Variants in ALG8 observed in about 807,000 individuals in gnomAD.
ALG8 encodes the protein dolichyl pyrophosphate Glc1Man9GlcNAc2 alpha-1,3-glucosyltransferase.
A neutral mutation model predicts 70.2 loss-of-function variants in ALG8; 48 were observed. The ratio of observed to expected loss-of-function variants is 0.68; its 90% CI spans 0.54 to 0.87. The LOEUF (loss-of-function observed/expected upper bound fraction) is 0.87. Among genes scored for constraint, ALG8 ranks in the 40% least tolerant of loss-of-function variants. The pLI, the probability that ALG8 is intolerant of heterozygous loss-of-function variation, is 0.00. For missense variants in ALG8, 572 were observed against 608.7 expected, an observed-to-expected ratio of 0.94 and a Z score of 0.64; for synonymous variants, 234 against 229.0, an observed-to-expected ratio of 1.02 and a Z score of -0.20.
At chr11:78,127,884 T>C (rs1861147601) in intron 1 of ALG8, among the ~76,000 whole-genome samples, 1 of 151,962 alleles carries the variant, frequency 6.6e-6, no homozygotes, top group African/African-American at 2.4e-5. Flanking sequence ...TAATTTTTAG[T>C]AGAGGTGGGG....
intron 1 of ALG8, among the ~76,000 whole-genome samples, chr11:78,131,357 C>A (rs569130533): frequency 6.6e-6 from 1 of 152,276 alleles, no homozygotes; most frequent in East Asian, 1.9e-4. Context: ...AATCCCAGTA[C>A]TTTGGGAGGC....
chr11:78,106,666 T>G, intron 10 of ALG8, 141 bp downstream of exon 10: 1 of 1,067,160 alleles, frequency 9.4e-7, no homozygotes. Flanking sequence ...AGCATCCCTG[T>G]CCTGTCCTAG....
In ALG8 at chr11:78,112,700, G is replaced by C. The variant is rs755219807; in HGVS notation, c.848C>G (p.Pro283Arg). 1 of 1,614,068 alleles carries C rather than the reference G, an allele frequency of 6.2e-7. No homozygotes were observed. The highest frequency in any genetic ancestry group is 8.5e-7 in the Non-Finnish European group (1 of 1,179,968). ...AGCATTGTACAAAGCCCAGAAGTTT[G>C]GAGCCCAATATGCATGACAGAGGCC... Reference protein sequence around the residue: ...KRGLCHAYWAPNFWALYNALD... With the variant: ...KRGLCHAYWARNFWALYNALD... Residue 283 changes from proline (P) to arginine (R), a missense_variant, in exon 8 of 13, where the codon CCA (proline) becomes CGA (arginine). Physicochemically the swap from Pro to Arg is moderately radical, Grantham distance 103. Coordinates refer to ENST00000299626, the MANE Select transcript of ALG8 (RefSeq NM_024079.5).
rs150213168 is a variant in ALG8 at position 78,109,558 on chromosome 11, G to A, written c.922C>T (p.Pro308Ser). Residue 308 changes from proline to serine, a missense_variant, in exon 9 of 13, where the codon CCC (proline) becomes TCC (serine). Coordinates refer to ENST00000299626, the MANE Select transcript of ALG8 (RefSeq NM_024079.5). The stretch of plus-strand genomic sequence containing the variant: ...ATTGAGGCCTTGGGAATATTGTTGG[G>A]ATCAAGAAATTTCAATTTCAAACCT... ...VIGLKLKFLDPNNIPKASMTS... is the reference protein window; with the variant it reads ...VIGLKLKFLDSNNIPKASMTS... The A allele has an allele frequency of 1.7e-5, 28 of 1,613,880 alleles. No homozygotes were observed. Among genetic ancestry groups the A allele is most frequent in the African/African-American group, 2.7e-5 (2 of 74,878 alleles).
At chr11:78,123,965 A>G in intron 3 of ALG8, 56 bp downstream of exon 3, 1 of 1,565,762 alleles carries the variant, frequency 6.4e-7, no homozygotes, top group South Asian at 1.1e-5. Flanking sequence ...AATACTACTT[A>G]ACACTGTACT....
At chr11:78,111,164 A>G (rs773339087) in intron 8 of ALG8, among the ~76,000 whole-genome samples, 3 of 152,170 alleles carry the variant, frequency 2.0e-5, no homozygotes, top group Non-Finnish European at 4.4e-5. Context: ...AGTGGCCACC[A>G]TGCATGGAGC....
intron 1 of ALG8, among the ~76,000 whole-genome samples, chr11:78,134,413 C>T (rs644517): frequency 0.22 from 33,198 of 152,128 alleles, 4,497 homozygotes; most frequent in African/African-American, 0.38. Context: ...GCTGGGATTA[C>T]AGGCATGAGC....
chr11:78,109,334 T>A, intron 9 of ALG8, 108 bp downstream of exon 9: 1 of 1,464,430 alleles, frequency 6.8e-7, no homozygotes, highest in South Asian at 1.2e-5. Flanking sequence ...ATTACAGGCA[T>A]GAAATTTATC....
chr11:78,138,617 AG>A, intron 1 of ALG8: 1 of 428,986 alleles, frequency 2.3e-6, no homozygotes, highest in Non-Finnish European at 4.7e-6. Flanking sequence ...AGGAAGTGGG[AG>A]GGAAAGGAGA....
chr11:78,109,194 T>C (rs545841304), intron 9 of ALG8, among the ~76,000 whole-genome samples: 2 of 152,254 alleles, frequency 1.3e-5, no homozygotes, highest in East Asian at 1.9e-4. Context: ...CTTTTTCCCT[T>C]CCCCCGGGTG....
At chr11:78,115,202 T>C (rs920897347) in intron 5 of ALG8, among the ~76,000 whole-genome samples, 4 of 151,860 alleles carry the variant, frequency 2.6e-5, no homozygotes, top group African/African-American at 7.3e-5. Context: ...CCGGCTAATT[T>C]TTGTATTTTT....
At chr11:78,109,306 G>C (rs576657559) in intron 9 of ALG8, 136 bp downstream of exon 9, 3 of 1,159,812 alleles carry the variant, frequency 2.6e-6, no homozygotes, top group South Asian at 2.6e-5. Context: ...GCTAGGAAAT[G>C]CTTCAATCTG....
chr11:78,106,665 G>A (rs1218193386), intron 10 of ALG8, 142 bp downstream of exon 10: 1 of 1,061,512 alleles, frequency 9.4e-7, no homozygotes, highest in South Asian at 1.3e-5. Flanking sequence ...AAGCATCCCT[G>A]TCCTGTCCTA....
chr11:78,109,298 T>C, intron 9 of ALG8, 144 bp downstream of exon 9: 1 of 1,107,290 alleles, frequency 9.0e-7, no homozygotes, highest in South Asian at 1.4e-5. Context: ...TAAGAATTGC[T>C]AGGAAATGCT....
chr11:78,124,690 AACTT>A (rs1860987418), intron 2 of ALG8, among the ~76,000 whole-genome samples: 1 of 152,242 alleles, frequency 6.6e-6, no homozygotes, highest in Non-Finnish European at 1.5e-5. Context: ...ATAATTCACT[AACTT>A]AGGTTCAAAT....
intron 1 of ALG8, chr11:78,137,451 G>C (rs2136954522): frequency 6.6e-6 from 1 of 152,128 alleles, no homozygotes; most frequent in Non-Finnish European, 1.5e-5. Context: ...TCACAACTTG[G>C]CTGTTTGGCA....
At chr11:78,126,815 T>C (rs112268452) in intron 2 of ALG8, among the ~76,000 whole-genome samples, 1,631 of 152,312 alleles carry the variant, frequency 0.011, 33 homozygotes, top group African/African-American at 0.037. Context: ...GTTCTTCCTC[T>C]TTCCCAGTCC....
At chr11:78,127,712 C>CTTTTTTTT (rs1192507872) in intron 1 of ALG8, among the ~76,000 whole-genome samples, 1 of 132,908 alleles carries the variant, frequency 7.5e-6, no homozygotes, top group African/African-American at 2.8e-5. Flanking sequence ...TTTTTCTTTT[C>CTTTTTTTT]TTTTTTTTTT....
chr11:78,101,334 A>G (rs1859788205), intron 12 of ALG8, 139 bp from the exon 13 acceptor site: 5 of 777,972 alleles, frequency 6.4e-6, no homozygotes, highest in Non-Finnish European at 1.0e-5. Flanking sequence ...AGTATATTAA[A>G]TTTCACATTT....
Sources: gnomAD v4.1 joint callset for allele counts (sites outside exome capture counted in the v4.1 genomes callset) on GRCh38, gnomAD v4.1.1 for gene constraint, MANE v1.5 for transcripts, NCBI Gene and HGNC (gene_info 2026-07-23, HGNC 2026-07-21) for gene names.